DYRK4: variants seen among roughly 807,000 people sequenced by gnomAD.
The protein encoded by DYRK4 is dual specificity tyrosine phosphorylation regulated kinase 4.
DYRK4 carries 64 observed loss-of-function variants against 68.3 expected under a neutral mutation model. That is an observed-to-expected ratio of 0.94 (90% confidence interval 0.77 to 1.15). The LOEUF (loss-of-function observed/expected upper bound fraction) is 1.15, where lower values mean the gene tolerates loss of function less well. DYRK4 is among the 50% of genes most tolerant of loss of function. DYRK4 has a pLI of 0.00. For missense variants in DYRK4, 740 were observed against 764.7 expected, an observed-to-expected ratio of 0.97 and a Z score of 0.38; for synonymous variants, 274 against 289.9, an observed-to-expected ratio of 0.95 and a Z score of 0.56.
intron 12 of DYRK4, 61 bp downstream of exon 12, chr12:4,607,448 GGC>G (rs1945166718): frequency 1.3e-6 from 2 of 1,573,284 alleles, no homozygotes; most frequent in African/African-American, 2.7e-5. Flanking sequence ...CATACCTTAA[GGC>G]TCATTTCATT....
intron 6 of DYRK4, among the ~76,000 whole-genome samples, chr12:4,594,742 GAAAGGGA>G (rs1944997752): frequency 6.6e-6 from 1 of 150,556 alleles, no homozygotes; most frequent in African/African-American, 2.5e-5. Context: ...TTGTGGGGAA[GAAAGGGA>G]CAATGTGTGT....
At chr12:4,594,709 C>CTTTTTTT (rs57307639) in intron 6 of DYRK4, among the ~76,000 whole-genome samples, 1 of 146,326 alleles carries the variant, frequency 6.8e-6, no homozygotes, top group Non-Finnish European at 1.5e-5. Flanking sequence ...TTAGAAAAGC[C>CTTTTTTT]TTTTTTTTTT....
intron 2 of DYRK4, among the ~76,000 whole-genome samples, chr12:4,570,682 ATTAT>A (rs548852075): frequency 1.4e-3 from 207 of 152,328 alleles, no homozygotes; most frequent in Non-Finnish European, 2.4e-3. Context: ...TAAATTAATA[ATTAT>A]TTATGTTTTT....
chr12:4,596,443 G>A (rs1412725206), intron 7 of DYRK4, 146 bp from the exon 8 acceptor site: 1 of 1,498,800 alleles, frequency 6.7e-7, no homozygotes, highest in African/African-American at 1.4e-5. Flanking sequence ...GGGCAAAGAG[G>A]AGGTGAGAGT....
intron 8 of DYRK4, chr12:4,597,189 A>C (rs1164601285): frequency 8.9e-6 from 9 of 1,008,758 alleles, no homozygotes; most frequent in Non-Finnish European, 1.1e-5. Context: ...TTTTGGTAAG[A>C]GAGCAGAGCC....
At chr12:4,603,458 C>T (rs1290604684) in intron 10 of DYRK4, 9 of 322,704 alleles carry the variant, frequency 2.8e-5, no homozygotes, top group African/African-American at 4.2e-5. Context: ...TACTCCACAC[C>T]GTCCTTCCCT....
At chr12:4,578,751 G>A (rs1329234299) in intron 2 of DYRK4, among the ~76,000 whole-genome samples, 1 of 152,096 alleles carries the variant, frequency 6.6e-6, no homozygotes, top group African/African-American at 2.4e-5. Context: ...AGTATGAATG[G>A]TTTGCCAAGG....
chr12:4,589,304 C>T (rs1188560961), intron 3 of DYRK4, among the ~76,000 whole-genome samples: 1 of 152,124 alleles, frequency 6.6e-6, no homozygotes, highest in Admixed American at 6.5e-5. Context: ...GTGTAATAAT[C>T]ACATCATGGA....
intron 2 of DYRK4, among the ~76,000 whole-genome samples, chr12:4,583,495 C>T (rs148199599): frequency 5.3e-5 from 8 of 151,812 alleles, no homozygotes; most frequent in Non-Finnish European, 8.8e-5. Context: ...CTCGCTACCC[C>T]GTGCTCTGTA....
At chr12:4,580,745 A>T in intron 2 of DYRK4, 1 of 445,382 alleles carries the variant, frequency 2.2e-6, no homozygotes. Context: ...TTGTGAGCTG[A>T]TATCACAGAA....
At chr12:4,593,295 C>T in intron 6 of DYRK4, 130 bp downstream of exon 6, 1 of 1,034,414 alleles carries the variant, frequency 9.7e-7, no homozygotes, top group Middle Eastern at 3.3e-4. Context: ...CTGAAGTATT[C>T]TGGTAGTGCC....
intron 1 of DYRK4, among the ~76,000 whole-genome samples, chr12:4,566,751 G>GT (rs1338970211): frequency 6.6e-6 from 1 of 152,194 alleles, no homozygotes; most frequent in African/African-American, 2.4e-5. Context: ...AAGCAGAGAA[G>GT]TTACTGGTAA....
chr12:4,600,972 A>T (rs1238795898), intron 10 of DYRK4, among the ~76,000 whole-genome samples: 1 of 152,178 alleles, frequency 6.6e-6, no homozygotes, highest in Non-Finnish European at 1.5e-5. Context: ...TCATTAGAAC[A>T]AAGAGAGTCC....
chr12:4,605,887 G>A (rs569001491), intron 11 of DYRK4, among the ~76,000 whole-genome samples: 76 of 152,098 alleles, frequency 5.0e-4, no homozygotes, highest in African/African-American at 1.2e-3. Context: ...AATTAATGTC[G>A]TCTAATTCGG....
intron 1 of DYRK4, among the ~76,000 whole-genome samples, chr12:4,565,255 TA>T (rs1303564652): frequency 7.2e-5 from 11 of 152,256 alleles, no homozygotes; most frequent in East Asian, 5.8e-4. Context: ...AGTTCATGCA[TA>T]AAAAAAGAAA....
At position 4,591,503 on chromosome 12, in the gene DYRK4, C is replaced by CA. The variant is rs1944954231; in HGVS notation, c.463+205_463+206insA. ...GGCTGAATAGGAGGCTGAATTTCCC[C>CA]CAAGGAGTGGCTCTGGGCAAGGGCG... On this transcript the variant is annotated intron_variant, in intron 5 of 14. Transcript: ENST00000543431. The surrounding 1 kb of genome is among the most constrained non-coding windows in gnomAD (Gnocchi z 4.1). The CA allele has an allele frequency of 4.5e-6, 3 of 669,184 alleles. No homozygotes were observed. The South Asian group carries it at 8.7e-5, about 19-fold the overall frequency. The allele number at this position is 669,184 out of a possible 1,614,324, so 41.5% of individuals were successfully genotyped here.
intron 2 of DYRK4, among the ~76,000 whole-genome samples, chr12:4,580,365 G>T (rs1319442996): frequency 6.6e-6 from 1 of 152,216 alleles, no homozygotes; most frequent in African/African-American, 2.4e-5. Flanking sequence ...CTGTTGGTGT[G>T]ATTTGGAGGC....
chr12:4,565,865 A>G (rs1046846287), intron 1 of DYRK4, among the ~76,000 whole-genome samples: 1 of 151,784 alleles, frequency 6.6e-6, no homozygotes, highest in African/African-American at 2.4e-5. Context: ...CTGACCTCAG[A>G]TGATCCACCC....
At position 4,591,360 on chromosome 12, in the gene DYRK4, C is replaced by A. The variant is rs1944952404; in HGVS notation, c.463+62C>A. Reference sequence around the variant, plus strand: ...TTATGGAAGGTCGGGGTGTTAAGAGCTAAGCTGCGCTGGAGTGAGCTAAGC... The same window carrying A: ...TTATGGAAGGTCGGGGTGTTAAGAGATAAGCTGCGCTGGAGTGAGCTAAGC... On this transcript the variant is annotated intron_variant, in intron 5 of 14. Coordinates refer to ENST00000543431, the MANE Select transcript of DYRK4 (RefSeq NM_001394779.1). The surrounding 1 kb of genome is among the most constrained non-coding windows in gnomAD (Gnocchi z 4.1). The A allele has an allele frequency of 6.3e-7, 1 of 1,584,474 alleles. No homozygotes were observed. Among genetic ancestry groups the A allele is most frequent in the Admixed American group, 1.8e-5 (1 of 56,332 alleles).
Sources: allele counts gnomAD v4.1 joint callset (sites outside exome capture counted in the v4.1 genomes callset), GRCh38; gene constraint gnomAD v4.1.1; non-coding constraint Gnocchi (gnomAD v3.1); transcripts MANE v1.5; gene names NCBI Gene and HGNC (gene_info 2026-07-23, HGNC 2026-07-21).